SLC38A12: variants seen among roughly 807,000 people sequenced by gnomAD.
SLC38A12 encodes putative sodium-coupled neutral amino acid transporter 12.
At chr17:74,782,200 T>C in the SLC38A12 span, among the ~76,000 whole-genome samples, 1 of 152,216 alleles carries the variant, frequency 6.6e-6, no homozygotes, top group Admixed American at 6.5e-5. Flanking sequence ...CCCGAGTAGC[T>C]GGGATTACAG....
chr17:74,826,024 G>A, the SLC38A12 span, among the ~76,000 whole-genome samples: 2 of 152,360 alleles, frequency 1.3e-5, no homozygotes, highest in East Asian at 3.9e-4. Context: ...GGGCTGAGCA[G>A]CCTGCAGGAA....
chr17:74,778,726 GCAACCTCTGCCTCCCAGGTT>G, the SLC38A12 span, among the ~76,000 whole-genome samples: 16 of 135,168 alleles, frequency 1.2e-4, no homozygotes, highest in African/African-American at 4.3e-4. Flanking sequence ...TCGGCTCACT[GCAACCTCTGCCTCCCAGGTT>G]CAACCTCTGC....
chr17:74,809,575 T>C, the SLC38A12 span, among the ~76,000 whole-genome samples: 1 of 152,190 alleles, frequency 6.6e-6, no homozygotes, highest in Admixed American at 6.5e-5. Flanking sequence ...CGGGTGCTGC[T>C]TCGGTTCTGT....
chr17:74,788,267 G>A, the SLC38A12 span, among the ~76,000 whole-genome samples: 1 of 152,192 alleles, frequency 6.6e-6, no homozygotes, highest in Non-Finnish European at 1.5e-5. Flanking sequence ...AAAGAAAAAA[G>A]GGATGGATTC....
chr17:74,827,677 G>A, the SLC38A12 span, among the ~76,000 whole-genome samples: 3 of 152,204 alleles, frequency 2.0e-5, no homozygotes, highest in African/African-American at 4.8e-5. The surrounding 1 kb of genome is among the most constrained non-coding windows in gnomAD (Gnocchi z 4.7). Flanking sequence ...TGTGCCCAGT[G>A]TAACTTGGCC....
At chr17:74,787,983 A>G in the SLC38A12 span, among the ~76,000 whole-genome samples, 1 of 152,020 alleles carries the variant, frequency 6.6e-6, no homozygotes. Flanking sequence ...TTTAGTACAG[A>G]CGAAGTTTCA....
the SLC38A12 span, chr17:74,819,645 C>T: frequency 6.3e-6 from 7 of 1,119,554 alleles, no homozygotes; most frequent in African/African-American, 4.6e-5. Flanking sequence ...AAGTCAGGCC[C>T]GGCCTTAGCT....
the SLC38A12 span, among the ~76,000 whole-genome samples, chr17:74,786,280 G>C: frequency 6.6e-6 from 1 of 152,216 alleles, no homozygotes; most frequent in Non-Finnish European, 1.5e-5. Context: ...AGGGGTTTAG[G>C]ACTAGGCATT....
At chr17:74,830,368 G>A in the SLC38A12 span, among the ~76,000 whole-genome samples, 1 of 152,214 alleles carries the variant, frequency 6.6e-6, no homozygotes, top group East Asian at 1.9e-4. Flanking sequence ...CAGAGTGGGT[G>A]GGCTCACCTG....
the SLC38A12 span, among the ~76,000 whole-genome samples, chr17:74,825,926 C>A: frequency 6.6e-6 from 1 of 152,192 alleles, no homozygotes; most frequent in East Asian, 1.9e-4. Flanking sequence ...CAGGAGGGGC[C>A]ACCCATCCTT....
At chr17:74,780,191 CT>C in the SLC38A12 span, among the ~76,000 whole-genome samples, 1 of 152,332 alleles carries the variant, frequency 6.6e-6, no homozygotes, top group Middle Eastern at 3.4e-3. Context: ...CCCTGAAATC[CT>C]AGTCATTGCT....
At chr17:74,822,465 C>A in the SLC38A12 span, among the ~76,000 whole-genome samples, 1 of 152,384 alleles carries the variant, frequency 6.6e-6, no homozygotes, top group Non-Finnish European at 1.5e-5. Context: ...GAGGTGGAGA[C>A]CAGCTCGGGA....
the SLC38A12 span, among the ~76,000 whole-genome samples, chr17:74,808,224 G>T: frequency 6.6e-6 from 1 of 152,236 alleles, no homozygotes; most frequent in South Asian, 2.1e-4. Flanking sequence ...GCCTTGAGGG[G>T]GCCACAGAGT....
chr17:74,811,118 T>C, the SLC38A12 span, among the ~76,000 whole-genome samples: 4 of 152,034 alleles, frequency 2.6e-5, no homozygotes, highest in African/African-American at 9.7e-5. Flanking sequence ...TTGCTTGAGC[T>C]CAGGAGTTTG....
At chr17:74,822,225 G>A in the SLC38A12 span, among the ~76,000 whole-genome samples, 2 of 152,328 alleles carry the variant, frequency 1.3e-5, no homozygotes, top group East Asian at 1.9e-4. Context: ...AGGGCCCCGG[G>A]GTCCTGGAAG....
the SLC38A12 span, chr17:74,839,027 C>G: frequency 1.3e-6 from 2 of 1,535,732 alleles, no homozygotes; most frequent in Non-Finnish European, 1.7e-6. Flanking sequence ...CCCAGATGCC[C>G]CCGGTGCAGG....
chr17:74,798,970 A>T, the SLC38A12 span, among the ~76,000 whole-genome samples: 17 of 152,188 alleles, frequency 1.1e-4, no homozygotes, highest in Middle Eastern at 3.2e-3. Flanking sequence ...TTGCGTATGA[A>T]CCAGTTCTGT....
At chr17:74,796,183 G>A in the SLC38A12 span, among the ~76,000 whole-genome samples, 2 of 152,202 alleles carry the variant, frequency 1.3e-5, no homozygotes, top group Non-Finnish European at 1.5e-5. Flanking sequence ...GTGGGGGGCA[G>A]GGAGCTGAAT....
chr17:74,836,300 C>G, the SLC38A12 span: 1 of 1,612,814 alleles, frequency 6.2e-7, no homozygotes, highest in Non-Finnish European at 8.5e-7. The surrounding 1 kb of genome is among the most constrained non-coding windows in gnomAD (Gnocchi z 4.2). Flanking sequence ...TCAGCACCAA[C>G]TTCCCCATCA....
Sources: gnomAD v4.1 joint callset for allele counts (sites outside exome capture counted in the v4.1 genomes callset) on GRCh38, gnomAD v4.1.1 for gene constraint, Gnocchi (gnomAD v3.1) non-coding constraint, MANE v1.5 for transcripts, NCBI Gene and HGNC (gene_info 2026-07-23, HGNC 2026-07-21) for gene names.